The following CYP2J2 variants were observed in gnomAD, a reference collection of about 807,000 sequenced individuals.
CYP2J2 encodes cytochrome P450 2J2.
Under a neutral mutation model 48.8 loss-of-function variants are expected in CYP2J2, and 41 were observed. That is an observed-to-expected ratio of 0.84 (90% confidence interval 0.66 to 1.09). The LOEUF (loss-of-function observed/expected upper bound fraction) is 1.09, where lower values mean the gene tolerates loss of function less well. Among genes scored for constraint, CYP2J2 ranks in the 50% least tolerant of loss-of-function variants. The pLI, the probability that CYP2J2 is intolerant of heterozygous loss-of-function variation, is 0.00. For missense variants in CYP2J2, 644 were observed against 617.3 expected (o/e 1.04, Z -0.46); for synonymous variants, 221 against 227.1 (o/e 0.97, Z 0.24).
At chr1:59,967,565 A>C in the CYP2J2 span, among the ~76,000 whole-genome samples, 1 of 152,094 alleles carries the variant, frequency 6.6e-6, no homozygotes, top group African/African-American at 2.4e-5. Context: ...TGCAGACCAG[A>C]CTTGCCTTTG....
the CYP2J2 span, among the ~76,000 whole-genome samples, chr1:59,955,255 TATATATATCC>T: frequency 3.2e-3 from 85 of 26,242 alleles, no homozygotes; most frequent in African/African-American, 8.7e-3. Context: ...TATATATCCA[TATATATATCC>T]ATATATATAT....
At chr1:59,915,224 C>A (rs1475347232) in intron 2 of CYP2J2, among the ~76,000 whole-genome samples, 1 of 152,132 alleles carries the variant, frequency 6.6e-6, no homozygotes, top group African/African-American at 2.4e-5. Context: ...GGTGCCAGTG[C>A]AGGTCCTTGG....
At chr1:59,948,198 C>T in the CYP2J2 span, among the ~76,000 whole-genome samples, 2 of 152,172 alleles carry the variant, frequency 1.3e-5, no homozygotes, top group African/African-American at 4.8e-5. Context: ...ATCTGGCACC[C>T]TTATTTCCCA....
intron 1 of CYP2J2, among the ~76,000 whole-genome samples, chr1:59,921,296 T>C (rs1644512439): frequency 2.0e-5 from 3 of 152,192 alleles, no homozygotes; most frequent in Admixed American, 2.0e-4. Context: ...AAAGATGAAA[T>C]GCTCCTGATT....
chr1:59,942,035 G>A, the CYP2J2 span, among the ~76,000 whole-genome samples: 9 of 152,246 alleles, frequency 5.9e-5, no homozygotes, highest in East Asian at 1.2e-3. Context: ...TGTTGCAAGC[G>A]CCATTCGTGA....
chr1:59,917,318 C>T (rs1644475073), intron 1 of CYP2J2, among the ~76,000 whole-genome samples: 1 of 152,150 alleles, frequency 6.6e-6, no homozygotes, highest in Admixed American at 6.5e-5. Flanking sequence ...CAGGAACCCA[C>T]TGGTGTGTGG....
chr1:59,963,024 ATTG>A, the CYP2J2 span, among the ~76,000 whole-genome samples: 5 of 152,218 alleles, frequency 3.3e-5, no homozygotes, highest in East Asian at 1.9e-4. Context: ...TATTATAAAA[ATTG>A]TTCTCATTTT....
At chr1:59,901,180 C>T (rs190546190) in intron 7 of CYP2J2, 77 bp from the exon 8 acceptor site, 20 of 1,517,378 alleles carry the variant, frequency 1.3e-5, no homozygotes, top group South Asian at 1.3e-4. Context: ...GGTCATCCTC[C>T]GGCTTCCTTG....
chr1:59,957,420 C>T, the CYP2J2 span, among the ~76,000 whole-genome samples: 2 of 152,104 alleles, frequency 1.3e-5, no homozygotes, highest in Non-Finnish European at 2.9e-5. Flanking sequence ...GTTACCTCTT[C>T]TTTATTCCAG....
the CYP2J2 span, among the ~76,000 whole-genome samples, chr1:59,938,243 A>G: frequency 4.3e-3 from 655 of 152,358 alleles, 8 homozygotes; most frequent in African/African-American, 0.015. Context: ...ACAAAGAGAC[A>G]AAGTATGGAG....
the CYP2J2 span, among the ~76,000 whole-genome samples, chr1:59,951,627 G>A: frequency 6.6e-6 from 1 of 152,102 alleles, no homozygotes; most frequent in Admixed American, 6.6e-5. Context: ...CTAAATGACT[G>A]GTCATGGAAT....
At chr1:59,926,488 A>C (rs916012838) in intron 1 of CYP2J2, 49 bp downstream of exon 1, 17 of 1,521,582 alleles carry the variant, frequency 1.1e-5, no homozygotes, top group Non-Finnish European at 1.5e-5. Flanking sequence ...CTTGTGCTGC[A>C]GAACAGAGTT....
intron 6 of CYP2J2, among the ~76,000 whole-genome samples, chr1:59,906,849 T>C (rs970241177): frequency 6.6e-6 from 1 of 152,254 alleles, no homozygotes; most frequent in African/African-American, 2.4e-5. Flanking sequence ...AATAAAGTTC[T>C]GTAAACAAAC....
At chr1:59,942,679 T>C in the CYP2J2 span, among the ~76,000 whole-genome samples, 1 of 152,086 alleles carries the variant, frequency 6.6e-6, no homozygotes, top group African/African-American at 2.4e-5. Flanking sequence ...TAGGAGATCA[T>C]TGCAGTGAAC....
chr1:59,930,919 T>C (rs1338442468), upstream of CYP2J2, among the ~76,000 whole-genome samples: 1 of 152,160 alleles, frequency 6.6e-6, no homozygotes, highest in East Asian at 1.9e-4. Context: ...TCATAAAAGA[T>C]GGCATAAATG....
intron 1 of CYP2J2, among the ~76,000 whole-genome samples, chr1:59,921,104 A>C (rs1326284233): frequency 6.6e-6 from 1 of 152,128 alleles, no homozygotes; most frequent in Non-Finnish European, 1.5e-5. Flanking sequence ...TACAGTATAC[A>C]TTTAGTCATA....
At chr1:59,944,860 A>AT in the CYP2J2 span, among the ~76,000 whole-genome samples, 2 of 151,814 alleles carry the variant, frequency 1.3e-5, no homozygotes, top group East Asian at 1.9e-4. Flanking sequence ...ATTTGCATTT[A>AT]TTTTTTTTCT....
chr1:59,935,019 T>TATATATATATATACAC, the CYP2J2 span, among the ~76,000 whole-genome samples: 9 of 41,928 alleles, frequency 2.1e-4, no homozygotes, highest in African/African-American at 9.1e-4. Context: ...TATATACATA[T>TATATATATATATACAC]ATATATATAT....
Position 59,916,118 on chromosome 1 carries a change from C to CA in CYP2J2, c.211-19_211-18insT. 1.9e-6 allele frequency: 3 copies of CA among 1,601,976 alleles called. No homozygotes were observed. Among genetic ancestry groups the CA allele is most frequent in the Non-Finnish European group, 2.6e-6 (3 of 1,173,464 alleles). On this transcript the variant is annotated intron_variant, in intron 1 of 8. Transcript: ENST00000371204. Reference sequence around the variant, plus strand: ...TTCACAAACTGAAAAATAGTTAAATCGTAACAGTTGAATATGCACATGTCC... The same window carrying CA: ...TTCACAAACTGAAAAATAGTTAAATCAGTAACAGTTGAATATGCACATGTCC...
Sources: gnomAD v4.1 joint callset for allele counts (sites outside exome capture counted in the v4.1 genomes callset) on GRCh38, gnomAD v4.1.1 for gene constraint, MANE v1.5 for transcripts, NCBI Gene and HGNC (gene_info 2026-07-23, HGNC 2026-07-21) for gene names.